MACROD2: variants seen among roughly 807,000 people sequenced by gnomAD.
The protein encoded by MACROD2 is mono-ADP ribosylhydrolase 2.
MACROD2 carries 36 observed loss-of-function variants against 70.4 expected under a neutral mutation model. The observed-to-expected ratio is 0.51, with a 90% CI of 0.39 to 0.68. MACROD2 has a LOEUF of 0.68. MACROD2 is among the 30% of genes least tolerant of loss of function. MACROD2 has a pLI of 0.00. For missense variants in MACROD2, 496 were observed against 538.4 expected (o/e 0.92, Z 0.78); for synonymous variants, 172 against 178.8 (o/e 0.96, Z 0.30).
intron 10 of MACROD2, among the ~76,000 whole-genome samples, chr20:15,890,718 A>G (rs544129190): frequency 6.6e-6 from 1 of 152,318 alleles, no homozygotes; most frequent in African/African-American, 2.4e-5. Flanking sequence ...AGTTTTTAAT[A>G]GCACATCTAT....
rs140349663 is a variant in MACROD2 at position 15,834,589 on chromosome 20, A to T, written c.646-28156A>T. On this transcript the variant is annotated intron_variant, in intron 8 of 17. Coordinates refer to ENST00000684519, the MANE Select transcript of MACROD2 (RefSeq NM_001351661.2). Reference sequence around the variant, plus strand: ...TCATATACAAGTCTGTCCAGTTTCAATTAATTTTTGTTTATTATCGACTGA... The same window carrying T: ...TCATATACAAGTCTGTCCAGTTTCATTTAATTTTTGTTTATTATCGACTGA... Among the ~76,000 whole-genome samples, 317 of 152,138 alleles carry T rather than the reference A, an allele frequency of 2.1e-3. 2 individuals are homozygous for T. The highest frequency in any genetic ancestry group is 7.4e-3 in the African/African-American group (309 of 41,502).
chr20:14,747,574 C>G (rs2071815507), intron 5 of MACROD2, among the ~76,000 whole-genome samples: 1 of 152,048 alleles, frequency 6.6e-6, no homozygotes, highest in Admixed American at 6.6e-5. Flanking sequence ...TGGTAAAGAG[C>G]AGGCATTTCA....
chr20:15,183,530 A>G (rs1224804242), intron 5 of MACROD2, among the ~76,000 whole-genome samples: 1 of 152,060 alleles, frequency 6.6e-6, no homozygotes, highest in East Asian at 1.9e-4. Context: ...CTTATTTACT[A>G]TATTGCACTC....
Position 14,186,992 on chromosome 20 carries a change from C to A in MACROD2, c.271+101264C>A, listed in dbSNP as rs576536247. Among the ~76,000 whole-genome samples the A allele has an allele frequency of 1.8e-4, 27 of 152,248 alleles. No individual in the cohort carries two copies. In the South Asian group the frequency reaches 2.3e-3, roughly 13 times the overall value. On this transcript the variant is annotated intron_variant, in intron 3 of 17. Coordinates refer to ENST00000684519, the MANE Select transcript of MACROD2 (RefSeq NM_001351661.2). ...AAGGGAGGCAAGCATTGAAAAACTACCGGAAGGGTACTGTGTTTACCACCT... is the reference window on the plus strand; with the variant it reads ...AAGGGAGGCAAGCATTGAAAAACTAACGGAAGGGTACTGTGTTTACCACCT...
At chr20:15,999,523 T>G (rs576565011) in intron 15 of MACROD2, among the ~76,000 whole-genome samples, 2 of 152,314 alleles carry the variant, frequency 1.3e-5, no homozygotes, top group East Asian at 1.9e-4. Context: ...TGTTGTTTCT[T>G]TATTGATTTT....
At chr20:14,402,909 A>G (rs2083653259) in intron 3 of MACROD2, among the ~76,000 whole-genome samples, 1 of 152,154 alleles carries the variant, frequency 6.6e-6, no homozygotes. Context: ...TATGCTAATG[A>G]CAGAAGGCAG....
At chr20:15,187,756 C>CTT (rs1373197937) in intron 5 of MACROD2, among the ~76,000 whole-genome samples, 2 of 152,082 alleles carry the variant, frequency 1.3e-5, no homozygotes, top group African/African-American at 2.4e-5. Flanking sequence ...TACATTTCTC[C>CTT]TTTAAGGGTT....
chr20:15,416,878 G>A (rs907353962), intron 6 of MACROD2, among the ~76,000 whole-genome samples: 7 of 151,722 alleles, frequency 4.6e-5, no homozygotes, highest in Non-Finnish European at 8.8e-5. Context: ...ACTCCAGCCC[G>A]GGCGACAGAG....
chr20:15,624,265 T>G (rs2049170537), intron 8 of MACROD2, among the ~76,000 whole-genome samples: 1 of 152,244 alleles, frequency 6.6e-6, no homozygotes, highest in African/African-American at 2.4e-5. Context: ...TTTCTAGCCA[T>G]GCTGGCAGGC....
chr20:15,086,610 CCTTTAGTCTGTTCACTAACAT>C (rs1262287398), intron 5 of MACROD2, among the ~76,000 whole-genome samples: 2 of 152,038 alleles, frequency 1.3e-5, no homozygotes, highest in Non-Finnish European at 2.9e-5. Flanking sequence ...TTTTACCTAC[CCTTTAGTCTGTTCACTAACAT>C]TTGATTGCTG....
intron 10 of MACROD2, among the ~76,000 whole-genome samples, chr20:15,917,081 C>T (rs73898602): frequency 0.015 from 2,219 of 152,256 alleles, 50 homozygotes; most frequent in African/African-American, 0.045. Flanking sequence ...CAGACCCCTG[C>T]GCTAAAATAA....
At chr20:14,046,057 A>G (rs1204833518) in intron 2 of MACROD2, among the ~76,000 whole-genome samples, 1 of 152,224 alleles carries the variant, frequency 6.6e-6, no homozygotes, top group East Asian at 1.9e-4. Context: ...GAAAAGACTC[A>G]CAGTTGGTGT....
chr20:14,810,727 A>C (rs1321550688), intron 5 of MACROD2, among the ~76,000 whole-genome samples: 1 of 152,168 alleles, frequency 6.6e-6, no homozygotes, highest in Non-Finnish European at 1.5e-5. Flanking sequence ...GCTGATAAGG[A>C]ACTTCAGCAA....
intron 4 of MACROD2, among the ~76,000 whole-genome samples, chr20:14,507,423 G>A (rs931650765): frequency 6.6e-6 from 1 of 152,130 alleles, no homozygotes; most frequent in Non-Finnish European, 1.5e-5. Flanking sequence ...CGAATACAAG[G>A]TTTCTGTTTG....
intron 5 of MACROD2, among the ~76,000 whole-genome samples, chr20:14,868,729 C>T (rs549539129): frequency 6.6e-6 from 1 of 152,066 alleles, no homozygotes; most frequent in Non-Finnish European, 1.5e-5. Context: ...TATTACAGAT[C>T]ACATTCTGAT....
intron 3 of MACROD2, among the ~76,000 whole-genome samples, chr20:14,171,987 A>G (rs933065206): frequency 3.9e-5 from 6 of 152,140 alleles, no homozygotes; most frequent in African/African-American, 1.4e-4. Context: ...CTTAGGTCTA[A>G]TAGTAATTGT....
At chr20:15,643,715 A>G (rs991487504) in intron 8 of MACROD2, among the ~76,000 whole-genome samples, 4 of 152,268 alleles carry the variant, frequency 2.6e-5, no homozygotes, top group Admixed American at 2.6e-4. Context: ...AACTTGATAA[A>G]TCACTACAAA....
intron 3 of MACROD2, among the ~76,000 whole-genome samples, chr20:14,154,988 C>T (rs2055079569): frequency 6.6e-6 from 1 of 152,150 alleles, no homozygotes; most frequent in African/African-American, 2.4e-5. Context: ...ATCTCACCAG[C>T]ACTCAACACT....
chr20:15,536,152 T>C lies in MACROD2; in HGVS notation c.645+36305T>C, dbSNP rs889342655. ...CTGATTTCCAGAGGCTCGAATCCAC[T>C]AAGCAGCCTCAGCAAGCACACACAT... On this transcript the variant is annotated intron_variant, in intron 8 of 17. Coordinates refer to ENST00000684519, the MANE Select transcript of MACROD2 (RefSeq NM_001351661.2). Among the ~76,000 whole-genome samples, 3 of 152,312 alleles carry C rather than the reference T, an allele frequency of 2.0e-5. No homozygotes were observed. In the East Asian group the frequency reaches 5.8e-4, roughly 29 times the overall value.
Sources: allele counts gnomAD v4.1 joint callset (sites outside exome capture counted in the v4.1 genomes callset), GRCh38; gene constraint gnomAD v4.1.1; transcripts MANE v1.5; gene names NCBI Gene and HGNC (gene_info 2026-07-23, HGNC 2026-07-21).